The following CHD3 variants were observed in gnomAD, a reference collection of about 807,000 sequenced individuals.
CHD3 encodes ATP-dependent chromatin remodeler CHD3.
CHD3 carries 52 observed loss-of-function variants against 248.9 expected under a neutral mutation model. The ratio of observed to expected loss-of-function variants is 0.21; its 90% CI spans 0.17 to 0.26. The LOEUF is 0.26. CHD3 is among the 10% of genes least tolerant of loss of function. The pLI is 1.00. For synonymous variants in CHD3, 985 were observed against 985.2 expected (o/e 1.00, Z 0.00); for missense variants, 1,482 against 2,605.8 (o/e 0.57, Z 9.39).
intron 2 of CHD3, chr17:7,890,351 C>G: frequency 2.6e-6 from 1 of 386,694 alleles, no homozygotes; most frequent in East Asian, 4.3e-5. Context: ...ATCGCTTGAA[C>G]CCGGGAGGTG....
rs779905716 is a variant in CHD3 at position 7,900,891 on chromosome 17, C to T, written c.3018C>T (p.Ala1006=). 17 of 1,613,994 alleles carry T rather than the reference C, an allele frequency of 1.1e-5. No homozygotes were observed. In the South Asian group the frequency reaches 1.4e-4, roughly 14 times the overall value. ...YKYILTRNFE[A]LNSRGGGNQV... ...ACATCCTGACTCGAAATTTTGAGGC[C>T]TTGAATTCACGAGGTGGTGGGAACC... The change falls in exon 19 of 40, where the codon GCC becomes GCT. Residue 1006 remains alanine, a synonymous_variant. Transcript: ENST00000330494. This position sits in a 1 kb window ranked among gnomAD's most constrained non-coding sequence, Gnocchi z 6.5.
chr17:7,890,266 A>C (rs889506236), intron 2 of CHD3, among the ~76,000 whole-genome samples: 5 of 151,940 alleles, frequency 3.3e-5, no homozygotes, highest in East Asian at 1.9e-4. Context: ...CTCCGTCTCT[A>C]CTAAAAATAC....
In CHD3 at chr17:7,905,058, C is replaced by T. The variant is rs1343453833; in HGVS notation, c.4073-42C>T. 12 of 1,584,886 alleles carry T rather than the reference C, an allele frequency of 7.6e-6. No homozygotes were observed. The highest frequency in any genetic ancestry group is 4.4e-5 in the South Asian group (4 of 90,462). On this transcript the variant is annotated intron_variant, in intron 25 of 39. Transcript: ENST00000330494. This position sits in a 1 kb window ranked among gnomAD's most constrained non-coding sequence, Gnocchi z 5.8. ...AAAGGGCCTCAGCATGGGCATATCC[C>T]GAGAGCCCTCCCTGACCACTGGGCC...
chr17:7,887,631 T>C (rs1312037594), upstream of CHD3, among the ~76,000 whole-genome samples: 2 of 151,562 alleles, frequency 1.3e-5, no homozygotes, highest in East Asian at 3.9e-4. Flanking sequence ...AAAATAAATA[T>C]ATGTGTGAGA....
At position 7,895,004 on chromosome 17, in the gene CHD3, G is replaced by T; in HGVS notation, c.1357G>T (p.Asp453Tyr). Residue 453 changes from aspartate to tyrosine, a missense_variant, in exon 9 of 40, where the codon GAT becomes TAT. Physicochemically the swap from Asp to Tyr is radical, Grantham distance 160. Transcript: ENST00000330494. This position sits in a 1 kb window ranked among gnomAD's most constrained non-coding sequence, Gnocchi z 4.9. The stretch of plus-strand genomic sequence containing the variant: ...GGAAGAAGGGGAGAAGGAGGAGGAG[G>T]ATGATCACATGGAGTACTGCCGCGT... ...GEEEGEKEEE[D>Y]DHMEYCRVCK... is the part of the protein sequence containing the mutation. 1 of 1,614,068 alleles carries T rather than the reference G, an allele frequency of 6.2e-7. No individual in the cohort carries two copies. The highest frequency in any genetic ancestry group is 8.5e-7 in the Non-Finnish European group (1 of 1,179,960).
chr17:7,906,926 C>T lies in CHD3; in HGVS notation c.4561C>T (p.Pro1521Ser), dbSNP rs1971034198. ...GTCAATGCCGGAACTGATGCCTGAC[C>T]CCAGCGCCGATTCTAAGCGCTCCTC... is the stretch of plus-strand genomic sequence containing the variant. The part of the protein sequence containing the change: ...RWSMPELMPD[P>S]SADSKRSSRA... The change falls in exon 30 of 40, where the codon CCC (proline) becomes TCC (serine). Residue 1521 changes from proline to serine, a missense_variant. Around this residue, in one of 20 missense-constraint regions of CHD3, gnomAD observed 254 missense variants for 266.7 expected, o/e 0.95. Coordinates refer to ENST00000330494, the MANE Select transcript of CHD3 (RefSeq NM_001005273.3). The surrounding 1 kb of genome is among the most constrained non-coding windows in gnomAD (Gnocchi z 5.0). 1.2e-6 allele frequency: 2 copies of T among 1,613,980 alleles called. No homozygotes were observed. The highest frequency in any genetic ancestry group is 1.7e-6 in the Non-Finnish European group (2 of 1,180,028).
In CHD3 at chr17:7,911,073, C is replaced by T; in HGVS notation, c.5881+100C>T. 2 of 1,513,746 alleles carry T rather than the reference C, an allele frequency of 1.3e-6. No homozygotes were observed. Among genetic ancestry groups the T allele is most frequent in the Non-Finnish European group, 1.8e-6 (2 of 1,105,562 alleles). 93.8% of individuals were successfully genotyped at this position (1,513,746 alleles called of 1,614,324 possible). A position where few individuals can be genotyped will look rare whatever the true frequency, so the allele number is the denominator to read the frequency against. On this transcript the variant is annotated intron_variant, in intron 39 of 39. Coordinates refer to ENST00000330494, the MANE Select transcript of CHD3 (RefSeq NM_001005273.3). The surrounding 1 kb of genome is among the most constrained non-coding windows in gnomAD (Gnocchi z 5.4). ...TTAACTGCTCTAGTCCATCTCATTT[C>T]CTTGGTGGTATCCGGTGTTTTATGG...
upstream of CHD3, chr17:7,885,060 C>T (rs1236319838): frequency 2.2e-5 from 21 of 965,902 alleles, no homozygotes; most frequent in South Asian, 7.4e-4. Flanking sequence ...CCGCTGCCCC[C>T]GCCGCCGCCG....
At position 7,909,440 on chromosome 17, in the gene CHD3, G is replaced by C; in HGVS notation, c.5590+102G>C. ...TTCCCACCCCCTGACCCCTCTACCT[G>C]CTGAACCATCCCCCTCTGACCTCTA... On this transcript the variant is annotated intron_variant, in intron 37 of 39. Transcript: ENST00000330494. The surrounding 1 kb of genome is among the most constrained non-coding windows in gnomAD (Gnocchi z 8.1). 7.2e-7 allele frequency: 1 copy of C among 1,393,606 alleles called. No homozygotes were observed. Among genetic ancestry groups the C allele is most frequent in the Non-Finnish European group, 9.3e-7 (1 of 1,073,000 alleles). The allele number at this position is 1,393,606 out of a possible 1,614,324, so 86.3% of individuals were successfully genotyped here.
upstream of CHD3, among the ~76,000 whole-genome samples, chr17:7,887,592 G>C (rs1010327722): frequency 6.6e-6 from 1 of 152,080 alleles, no homozygotes; most frequent in Non-Finnish European, 1.5e-5. Context: ...ATGGTGGTGC[G>C]TTGTGGGGGA....
Position 7,907,651 on chromosome 17 carries a change from C to A in CHD3, c.4975C>A (p.Gln1659Lys). 1 of 1,533,376 alleles carries A rather than the reference C, an allele frequency of 6.5e-7. No individual in the cohort carries two copies. The highest frequency in any genetic ancestry group is 8.7e-7 in the Non-Finnish European group (1 of 1,147,110). The allele number at this position is 1,533,376 out of a possible 1,614,324, so 95.0% of individuals were successfully genotyped here. Reference protein sequence around the residue: ...ERGEEKPLDGQEHRERPEGET... With the variant: ...ERGEEKPLDGKEHRERPEGET... The stretch of plus-strand genomic sequence containing the variant: ...GGGGGAGGAGAAGCCGTTGGATGGA[C>A]AGGAACACAGGGAGAGGCCGGAGGG... The change falls in exon 33 of 40, where the codon CAG becomes AAG. Residue 1659 changes from glutamine (Q) to lysine (K), a missense_variant. Physicochemically the swap from Gln to Lys is moderately conservative, Grantham distance 53. Transcript: ENST00000330494. The surrounding 1 kb of genome is among the most constrained non-coding windows in gnomAD (Gnocchi z 4.3).
rs776057008 is a variant in CHD3, at chr17:7,893,791, G to A, written c.794-14G>A. On this transcript the variant is annotated splice_polypyrimidine_tract_variant and intron_variant, in intron 5 of 39. Transcript: ENST00000330494. Reference sequence around the variant, plus strand: ...CTCTCCTTTTTCCTCTTCTCACCCCGACTCCTCATTCAGGTCCAGGCCATA... The same window carrying A: ...CTCTCCTTTTTCCTCTTCTCACCCCAACTCCTCATTCAGGTCCAGGCCATA... 11 of 1,612,382 alleles carry A rather than the reference G, an allele frequency of 6.8e-6. No individual in the cohort carries two copies. The highest frequency in any genetic ancestry group is 4.5e-5 in the East Asian group (2 of 44,860).
At chr17:7,894,333 C>A (rs868818708) in intron 7 of CHD3, 68 bp downstream of exon 7, 115 of 1,590,878 alleles carry the variant, frequency 7.2e-5, no homozygotes, top group Non-Finnish European at 6.9e-5. Flanking sequence ...TCAATTTTGA[C>A]TTCTCTCTTC....
At position 7,907,023 on chromosome 17, in the gene CHD3, C is replaced by T; in HGVS notation, c.4658C>T (p.Ser1553Phe). The T allele has an allele frequency of 6.2e-7, 1 of 1,614,184 alleles. No individual in the cohort carries two copies. The highest frequency in any genetic ancestry group is 8.5e-7 in the Non-Finnish European group (1 of 1,180,030). ...EASATNSPCT[S>F]KPATPAPSEK... Reference sequence around the variant, plus strand: ...TCTGCTACCAACAGTCCCTGCACCTCTAAACCTGGTAATCAGAAGTCAGGA... The same window carrying T: ...TCTGCTACCAACAGTCCCTGCACCTTTAAACCTGGTAATCAGAAGTCAGGA... Residue 1553 changes from serine (S) to phenylalanine (F), a missense_variant, in exon 30 of 40, where the codon TCT becomes TTT. Ser to Phe is a radical substitution (Grantham distance 155). Coordinates refer to ENST00000330494, the MANE Select transcript of CHD3 (RefSeq NM_001005273.3). The surrounding 1 kb of genome is among the most constrained non-coding windows in gnomAD (Gnocchi z 4.3).
In CHD3 at chr17:7,903,596, T is replaced by G; in HGVS notation, c.3727+93T>G. On this transcript the variant is annotated intron_variant, in intron 23 of 39. Transcript: ENST00000330494. The surrounding 1 kb of genome is among the most constrained non-coding windows in gnomAD (Gnocchi z 6.8). ...TGGGGAGAGAAAAACAACTCTTCTC[T>G]GCAGCCTTTGAAGGAAGGAGAGCCT... The G allele has an allele frequency of 1.7e-6, 2 of 1,168,498 alleles. No individual in the cohort carries two copies. The highest frequency in any genetic ancestry group is 2.4e-6 in the Non-Finnish European group (2 of 822,004). 72.4% of individuals were successfully genotyped at this position (1,168,498 alleles called of 1,614,324 possible). A position where few individuals can be genotyped will look rare whatever the true frequency, so the allele number is the denominator to read the frequency against.
rs1969515506 is a variant in CHD3, at chr17:7,895,521, C to T, written c.1686C>T (p.Cys562=). The T allele has an allele frequency of 6.2e-7, 1 of 1,614,068 alleles. No individual in the cohort carries two copies. The highest frequency in any genetic ancestry group is 8.5e-7 in the Non-Finnish European group (1 of 1,179,988). Residue 562 remains cysteine (C), a synonymous_variant, in exon 10 of 40, where the codon TGC becomes TGT. Transcript: ENST00000330494. The surrounding 1 kb of genome is among the most constrained non-coding windows in gnomAD (Gnocchi z 4.9). ...VKWVGLSYWH[C]SWAKELQLEI... ...GGGTAGGACTATCCTACTGGCACTGCTCCTGGGCCAAGGAGCTTCAGGTAC... is the reference window on the plus strand; with the variant it reads ...GGGTAGGACTATCCTACTGGCACTGTTCCTGGGCCAAGGAGCTTCAGGTAC...
In CHD3 at chr17:7,908,453, A is replaced by G. The variant is rs1971258620; in HGVS notation, c.5204A>G (p.Lys1735Arg). The G allele has an allele frequency of 6.2e-7, 1 of 1,613,784 alleles. No homozygotes were observed. Among genetic ancestry groups the G allele is most frequent in the African/African-American group, 1.3e-5 (1 of 74,914 alleles). The change falls in exon 35 of 40, where the codon AAA becomes AGA. Residue 1735 changes from lysine (K) to arginine (R), a missense_variant. By Grantham distance (26) the Lys-to-Arg change is conservative (BLOSUM62 2). Coordinates refer to ENST00000330494, the MANE Select transcript of CHD3 (RefSeq NM_001005273.3). This position sits in a 1 kb window ranked among gnomAD's most constrained non-coding sequence, Gnocchi z 5.8. Reference protein sequence around the residue: ...NEERAAISSGKLNEIWHRRHD... With the variant: ...NEERAAISSGRLNEIWHRRHD... ...GAACGGGCAGCTATTTCCTCGGGGAAACTCAATGAGATCTGGCACAGAAGA... is the reference window on the plus strand; with the variant it reads ...GAACGGGCAGCTATTTCCTCGGGGAGACTCAATGAGATCTGGCACAGAAGA...
intron 4 of CHD3, among the ~76,000 whole-genome samples, chr17:7,891,758 G>A (rs906405289): frequency 6.6e-6 from 1 of 152,064 alleles, no homozygotes; most frequent in Non-Finnish European, 1.5e-5. Flanking sequence ...CTACTCGGGA[G>A]GCTAAGGCAG....
intron 2 of CHD3, among the ~76,000 whole-genome samples, chr17:7,890,228 C>T (rs547661585): frequency 1.6e-4 from 25 of 152,016 alleles, no homozygotes; most frequent in Non-Finnish European, 2.6e-4. Flanking sequence ...GTCAGGAGTT[C>T]GCGACAAGCC....
Sources: gnomAD v4.1 joint callset for allele counts (sites outside exome capture counted in the v4.1 genomes callset) on GRCh38, gnomAD v4.1.1 for gene constraint, gnomAD v4.1.1 regional missense constraint, Gnocchi (gnomAD v3.1) non-coding constraint, MANE v1.5 for transcripts, NCBI Gene and HGNC (gene_info 2026-07-23, HGNC 2026-07-21) for gene names.